DTL: variants seen among roughly 807,000 people sequenced by gnomAD.
The protein encoded by DTL is denticleless protein homolog.
DTL carries 46 observed loss-of-function variants against 87.0 expected under a neutral mutation model. The observed-to-expected ratio is 0.53, with a 90% CI of 0.42 to 0.68. The LOEUF is 0.68. Among genes scored for constraint, DTL ranks in the 30% least tolerant of loss-of-function variants. The pLI, the probability that DTL is intolerant of heterozygous loss-of-function variation, is 0.00. For synonymous variants in DTL, 308 were observed against 311.2 expected (o/e 0.99, Z 0.11); for missense variants, 737 against 869.4 (o/e 0.85, Z 1.91).
At chr1:212,091,135 G>C (rs1655268704) in intron 13 of DTL, among the ~76,000 whole-genome samples, 1 of 152,084 alleles carries the variant, frequency 6.6e-6, no homozygotes, top group Admixed American at 6.5e-5. Context: ...TTTTAAAATG[G>C]ACAAAGGGCC....
chr1:212,037,788 T>A (rs1390151667), intron 1 of DTL, among the ~76,000 whole-genome samples: 1 of 152,162 alleles, frequency 6.6e-6, no homozygotes, highest in Non-Finnish European at 1.5e-5. Context: ...GAATAAATGT[T>A]TGCAAAGTGA....
chr1:212,060,529 A>G (rs1341641993), intron 5 of DTL, among the ~76,000 whole-genome samples: 1 of 152,144 alleles, frequency 6.6e-6, no homozygotes, highest in Non-Finnish European at 1.5e-5. Context: ...TGAGCTCAGG[A>G]GTTCAAGACC....
intron 6 of DTL, among the ~76,000 whole-genome samples, chr1:212,063,357 T>C (rs1285544431): frequency 6.6e-6 from 1 of 151,196 alleles, no homozygotes; most frequent in African/African-American, 2.4e-5. Context: ...GGCGTGAACT[T>C]GGCTCACTGC....
rs1372408266 is a variant in DTL at position 212,064,978 on chromosome 1, C to G, written c.588C>G (p.Thr196=). The G allele has an allele frequency of 6.2e-7, 1 of 1,614,010 alleles. No individual in the cohort carries two copies. The highest frequency in any genetic ancestry group is 2.2e-5 in the East Asian group (1 of 44,854). The change falls in exon 7 of 15, where the codon ACC becomes ACG. Residue 196 remains threonine (T), a synonymous_variant. Coordinates refer to ENST00000366991, the MANE Select transcript of DTL (RefSeq NM_016448.4). ...CTCACAATACCTCAGACAAGCAAAC[C>G]CCTTCAAAACCCAAGAAGAAACAGA... ...SGAHNTSDKQ[T]PSKPKKKQNS...
rs575617357 is a variant in DTL at position 212,039,716 on chromosome 1, A to G, written c.53-3277A>G. ...GCTATATATTTTTCCTAGGCTATAA[A>G]CCTGTGTAGCATATTACTGTATTGA... On this transcript the variant is annotated intron_variant, in intron 1 of 14. Transcript: ENST00000366991. Among the ~76,000 whole-genome samples the G allele has an allele frequency of 5.3e-5, 8 of 152,312 alleles. No individual in the cohort carries two copies. The South Asian group carries it at 1.7e-3, about 32-fold the overall frequency.
intron 11 of DTL, among the ~76,000 whole-genome samples, chr1:212,077,139 A>C (rs1654854678): frequency 6.6e-6 from 1 of 152,196 alleles, no homozygotes; most frequent in African/African-American, 2.4e-5. Flanking sequence ...GCCATGATTC[A>C]GAGCCTCAGG....
intron 1 of DTL, among the ~76,000 whole-genome samples, chr1:212,042,618 A>G (rs1667688724): frequency 6.6e-6 from 1 of 152,234 alleles, no homozygotes; most frequent in African/African-American, 2.4e-5. Flanking sequence ...GTTCTGGAAT[A>G]AGAATTTAAT....
At chr1:212,095,854 C>A (rs185885342) in intron 13 of DTL, among the ~76,000 whole-genome samples, 1 of 152,044 alleles carries the variant, frequency 6.6e-6, no homozygotes, top group African/African-American at 2.4e-5. Context: ...CATGTCCTTT[C>A]CTGGTTTTGG....
At chr1:212,037,140 G>A (rs1242947142) in intron 1 of DTL, among the ~76,000 whole-genome samples, 1 of 152,166 alleles carries the variant, frequency 6.6e-6, no homozygotes, top group Non-Finnish European at 1.5e-5. Flanking sequence ...TAAACTGCCT[G>A]GGTTTTATTA....
At position 212,062,796 on chromosome 1, in the gene DTL, AATAG is replaced by A. The variant is rs1272976843; in HGVS notation, c.461-83_461-80del. 25 of 1,016,324 alleles carry A rather than the reference AATAG, an allele frequency of 2.5e-5. No homozygotes were observed. In the East Asian group the frequency reaches 5.0e-4, roughly 20 times the overall value. 63.0% of individuals were successfully genotyped at this position (1,016,324 alleles called of 1,614,324 possible). On this transcript the variant is annotated intron_variant, in intron 5 of 14. Coordinates refer to ENST00000366991, the MANE Select transcript of DTL (RefSeq NM_016448.4). ...GTGACAGATACAGTACCTAGCACAT[AATAG>A]ATAGTCTACAAAATGTAAACTGAAA...
At chr1:212,077,745 C>G (rs1238670160) in intron 11 of DTL, 2 of 153,780 alleles carry the variant, frequency 1.3e-5, no homozygotes, top group African/African-American at 2.4e-5. Flanking sequence ...AAGTAGCTGA[C>G]TAGGGATCTG....
intron 11 of DTL, among the ~76,000 whole-genome samples, chr1:212,076,531 T>G (rs1167512065): frequency 7.8e-6 from 1 of 127,768 alleles, no homozygotes; most frequent in Admixed American, 8.5e-5. Context: ...ATACAGAAAC[T>G]GAGAAAGGAC....
In DTL at chr1:212,078,238, C is replaced by T. The variant is rs767234610; in HGVS notation, c.1101C>T (p.Cys367=). 4.0e-5 allele frequency: 65 copies of T among 1,610,376 alleles called. 1 individual carries two copies. In the South Asian group the frequency reaches 6.6e-4, roughly 16 times the overall value. The change falls in exon 12 of 15, where the codon TGC becomes TGT. Residue 367 remains cysteine, a synonymous_variant. Transcript: ENST00000366991. The part of the protein sequence containing the change: ...LGHSQEVTSV[C]WCPSDFTKIA... ...ATTCTCAAGAGGTCACGTCTGTGTG[C>T]TGGTGTCCATCTGACTTCACAAAGG...
chr1:212,050,893 G>A (rs550861863), intron 5 of DTL, among the ~76,000 whole-genome samples: 3 of 152,066 alleles, frequency 2.0e-5, no homozygotes, highest in Non-Finnish European at 2.9e-5. Context: ...CAGAAAGCAC[G>A]AAACTTTTCA....
rs1392867283 is a variant in DTL at position 212,051,544 on chromosome 1, G to A, written c.460+4127G>A. ...ACCTATTATGCCATGAATTCATAGG[G>A]AATAGGTTCCAGCAGCTCAGGCTCC... On this transcript the variant is annotated intron_variant, in intron 5 of 14. Coordinates refer to ENST00000366991, the MANE Select transcript of DTL (RefSeq NM_016448.4). 1.1e-5 allele frequency: 6 copies of A among 556,328 alleles called. No homozygotes were observed. The East Asian group carries it at 2.8e-4, about 26-fold the overall frequency. 34.5% of individuals were successfully genotyped at this position (556,328 alleles called of 1,614,324 possible). A position where few individuals can be genotyped will look rare whatever the true frequency, so the allele number is the denominator to read the frequency against.
intron 5 of DTL, among the ~76,000 whole-genome samples, chr1:212,048,705 A>T (rs913420856): frequency 1.3e-5 from 2 of 151,680 alleles, no homozygotes; most frequent in South Asian, 2.1e-4. Flanking sequence ...TCACTAAATA[A>T]TTTTTTTTAA....
chr1:212,046,233 C>G (rs541979048), intron 3 of DTL, among the ~76,000 whole-genome samples: 11 of 152,306 alleles, frequency 7.2e-5, no homozygotes, highest in African/African-American at 2.6e-4. Flanking sequence ...TCCACAAATT[C>G]TCTTTGCTCA....
At chr1:212,072,778 T>TTTA (rs550553947) in intron 11 of DTL, among the ~76,000 whole-genome samples, 3 of 142,430 alleles carry the variant, frequency 2.1e-5, no homozygotes, top group Non-Finnish European at 3.0e-5. Context: ...TTTTTTTTTT[T>TTTA]ATTGAGATGG....
intron 7 of DTL, among the ~76,000 whole-genome samples, chr1:212,065,983 C>G (rs960329432): frequency 1.3e-5 from 2 of 152,102 alleles, no homozygotes. Flanking sequence ...TGAGCCACCA[C>G]GCCTGGCCAG....
Sources: allele counts gnomAD v4.1 joint callset (sites outside exome capture counted in the v4.1 genomes callset), GRCh38; gene constraint gnomAD v4.1.1; transcripts MANE v1.5; gene names NCBI Gene and HGNC (gene_info 2026-07-23, HGNC 2026-07-21).